Variants in STAT3 observed in about 807,000 individuals in gnomAD.
STAT3 encodes DNA-binding protein APRF.
Under a neutral mutation model 114.3 loss-of-function variants are expected in STAT3, and 7 were observed. The observed-to-expected ratio is 0.06, with a 90% CI of 0.03 to 0.11. STAT3 has a LOEUF of 0.11. Ranked by LOEUF, STAT3 falls within the 10% of genes least tolerant of loss-of-function variation. The pLI is 1.00. For missense variants in STAT3, 364 were observed against 960.9 expected (o/e 0.38, Z 8.21); for synonymous variants, 331 against 354.5 (o/e 0.93, Z 0.74).
At position 42,363,715 on chromosome 17, in the gene STAT3, G is replaced by A. The variant is rs926072552; in HGVS notation, c.-23-15176C>T. On this transcript the variant is annotated intron_variant, in intron 1 of 23. Coordinates refer to ENST00000264657, the MANE Select transcript of STAT3 (RefSeq NM_139276.3). ...TGTCCTCCTACCTCGGCCTCCCAAA[G>A]TGCTGCGATTATAGGCATGAGCCAT... is the stretch of plus-strand genomic sequence containing the variant. 2.0e-5 allele frequency among the ~76,000 whole-genome samples: 3 copies of A among 151,410 alleles called. No homozygotes were observed. In the East Asian group the frequency reaches 5.8e-4, roughly 29 times the overall value.
At chr17:42,341,445 T>G (rs996582475) in intron 4 of STAT3, among the ~76,000 whole-genome samples, 1 of 152,234 alleles carries the variant, frequency 6.6e-6, no homozygotes, top group African/African-American at 2.4e-5. Context: ...ACCTTCAAAT[T>G]CAGTTCAAAT....
chr17:42,326,108 G>A lies in STAT3; in HGVS notation c.1365+8C>T. 2 of 1,613,824 alleles carry A rather than the reference G, an allele frequency of 1.2e-6. No homozygotes were observed. Among genetic ancestry groups the A allele is most frequent in the East Asian group, 4.5e-5 (2 of 44,884 alleles). On this transcript the variant is annotated splice_region_variant and intron_variant, in intron 15 of 23. Transcript: ENST00000264657. The stretch of plus-strand genomic sequence containing the variant: ...GTAGCCTCTCACCGATTCTGCTGCA[G>A]AACTTACCTCTAGGTCAATCTTGAG...
At chr17:42,334,520 C>A (rs2082152374) in intron 8 of STAT3, among the ~76,000 whole-genome samples, 2 of 146,420 alleles carry the variant, frequency 1.4e-5, no homozygotes, top group Non-Finnish European at 3.0e-5. Context: ...TCTCAGCTCA[C>A]TGCAACCTCC....
At chr17:42,387,753 G>C (rs1264941453) in intron 1 of STAT3, 2 of 152,712 alleles carry the variant, frequency 1.3e-5, no homozygotes, top group Non-Finnish European at 2.9e-5. Flanking sequence ...CAGCCAGCCC[G>C]TAAGGCTGCA....
intron 1 of STAT3, among the ~76,000 whole-genome samples, chr17:42,372,466 C>T (rs945903903): frequency 6.6e-6 from 1 of 152,168 alleles, no homozygotes; most frequent in Non-Finnish European, 1.5e-5. Flanking sequence ...AAAGGCTACA[C>T]ACTGTATGTC....
intron 5 of STAT3, 69 bp from the exon 6 acceptor site, chr17:42,338,881 T>C: frequency 7.1e-7 from 1 of 1,410,960 alleles, no homozygotes; most frequent in Non-Finnish European, 9.9e-7. Flanking sequence ...AAATATAAAG[T>C]TTCTGAGGAG....
At chr17:42,355,914 G>A (rs1233080074) in intron 1 of STAT3, among the ~76,000 whole-genome samples, 1 of 152,162 alleles carries the variant, frequency 6.6e-6, no homozygotes, top group Non-Finnish European at 1.5e-5. Flanking sequence ...AAAGAGAGAC[G>A]AAAATCAGGC....
At chr17:42,350,664 C>A (rs560461259) in intron 1 of STAT3, among the ~76,000 whole-genome samples, 1 of 152,276 alleles carries the variant, frequency 6.6e-6, no homozygotes, top group South Asian at 2.1e-4. Flanking sequence ...CAGAATACCC[C>A]TCTTGCTACT....
intron 11 of STAT3, among the ~76,000 whole-genome samples, chr17:42,330,654 C>T (rs933090384): frequency 3.3e-5 from 5 of 151,710 alleles, no homozygotes; most frequent in Non-Finnish European, 5.9e-5. Flanking sequence ...TGGTCTCGAT[C>T]TCCTGACCTC....
chr17:42,323,743 A>G (rs2081583736), intron 17 of STAT3, 118 bp from the exon 18 acceptor site: 1 of 966,806 alleles, frequency 1.0e-6, no homozygotes, highest in Non-Finnish European at 1.6e-6. Context: ...ATCAGCTTTC[A>G]CATCTTTGAA....
At chr17:42,316,588 A>G in intron 23 of STAT3, 1 of 1,389,596 alleles carries the variant, frequency 7.2e-7, no homozygotes. Flanking sequence ...TATTGTAAAA[A>G]TTAAGTTCGT....
At position 42,385,778 on chromosome 17, in the gene STAT3, T is replaced by C. The variant is rs77581872; in HGVS notation, c.-24+2501A>G. On this transcript the variant is annotated intron_variant, in intron 1 of 23. Transcript: ENST00000264657. The stretch of plus-strand genomic sequence containing the variant: ...ATCTAAAACAAACCTAGATTAGTAT[T>C]TCTTTTCATTAGTAAATAGCTAAAT... Among the ~76,000 whole-genome samples, 14 of 152,334 alleles carry C rather than the reference T, an allele frequency of 9.2e-5. No individual in the cohort carries two copies. The East Asian group carries it at 2.5e-3, about 27-fold the overall frequency.
rs996781562 is a variant in STAT3, at chr17:42,325,275, G to A, written c.1366-214C>T. ...TGGCCACACAACTCAGGCTGCAGTC[G>A]GAATATACCGGTCCCTTGTAAAACC... On this transcript the variant is annotated intron_variant, in intron 15 of 23. Transcript: ENST00000264657. 2.0e-5 allele frequency: 11 copies of A among 550,548 alleles called. 1 individual carries two copies. The highest frequency in any genetic ancestry group is 6.2e-5 in the Admixed American group (2 of 32,458). The allele number at this position is 550,548 out of a possible 1,614,324, so 34.1% of individuals were successfully genotyped here.
chr17:42,328,943 C>T (rs1424268469), intron 14 of STAT3, among the ~76,000 whole-genome samples: 2 of 152,108 alleles, frequency 1.3e-5, no homozygotes, highest in Non-Finnish European at 2.9e-5. Context: ...TTTATGTACT[C>T]TTTTCCTAAG....
chr17:42,342,321 A>G (rs1487024962), intron 4 of STAT3, among the ~76,000 whole-genome samples: 1 of 152,058 alleles, frequency 6.6e-6, no homozygotes, highest in Non-Finnish European at 1.5e-5. Flanking sequence ...TATCTCACTA[A>G]AAATACAAAA....
chr17:42,313,379 CAAA>C lies in STAT3; in HGVS notation c.*2363_*2365del, dbSNP rs397857989. ...AGTTAAAGTAGATACAGCAATATAC[CAAA>C]AAAAAAAAAAAAAAAAAAAGACAAA... On this transcript the variant is annotated 3_prime_UTR_variant, in exon 24 of 24. Coordinates refer to ENST00000264657, the MANE Select transcript of STAT3 (RefSeq NM_139276.3). 886 of 85,562 alleles carry C rather than the reference CAAA, an allele frequency of 0.01. No homozygotes were observed. The highest frequency in any genetic ancestry group is 0.025 in the Middle Eastern group (6 of 238). 5.3% of individuals were successfully genotyped at this position (85,562 alleles called of 1,614,324 possible).
At chr17:42,328,857 C>T (rs1050208427) in intron 14 of STAT3, among the ~76,000 whole-genome samples, 6 of 152,080 alleles carry the variant, frequency 3.9e-5, no homozygotes, top group African/African-American at 1.4e-4. Context: ...CAATAAGAAT[C>T]CAATAATCTG....
intron 3 of STAT3, among the ~76,000 whole-genome samples, chr17:42,346,145 T>G (rs145266027): frequency 6.6e-6 from 1 of 152,106 alleles, no homozygotes; most frequent in Non-Finnish European, 1.5e-5. Context: ...TCCTAAGGTG[T>G]TGGGATTACA....
chr17:42,332,856 C>T lies in STAT3; in HGVS notation c.1049+817G>A, dbSNP rs2082081718. Among the ~76,000 whole-genome samples, 4 of 151,778 alleles carry T rather than the reference C, an allele frequency of 2.6e-5. No individual in the cohort carries two copies. In the South Asian group the frequency reaches 8.3e-4, roughly 32 times the overall value. On this transcript the variant is annotated intron_variant, in intron 10 of 23. Transcript: ENST00000264657. ...TCTGTCTCAAAAAAAAAAAAATTAG[C>T]CGGGTGTGGTGGCACGCACCTCTAT... is the stretch of plus-strand genomic sequence containing the variant.
Sources: allele counts gnomAD v4.1 joint callset (sites outside exome capture counted in the v4.1 genomes callset), GRCh38; gene constraint gnomAD v4.1.1; transcripts MANE v1.5; gene names NCBI Gene and HGNC (gene_info 2026-07-23, HGNC 2026-07-21).